The following PTPRG variants were observed in gnomAD, a reference collection of about 807,000 sequenced individuals.
PTPRG encodes protein tyrosine phosphatase receptor type G.
PTPRG carries 102 observed loss-of-function variants against 165.3 expected under a neutral mutation model. That is an observed-to-expected ratio of 0.62 (90% CI 0.53 to 0.73). PTPRG has a LOEUF of 0.73. Among genes scored for constraint, PTPRG ranks in the 30% least tolerant of loss-of-function variants. The pLI, the probability that PTPRG is intolerant of heterozygous loss-of-function variation, is 0.00. For missense variants in PTPRG, 1,866 were observed against 1,861.4 expected (o/e 1.00, Z -0.05); for synonymous variants, 675 against 669.5 (o/e 1.01, Z -0.13).
chr3:61,927,415 T>C (rs2039246845), intron 2 of PTPRG, among the ~76,000 whole-genome samples: 1 of 152,188 alleles, frequency 6.6e-6, no homozygotes, highest in South Asian at 2.1e-4. Flanking sequence ...TTGAGTTAAC[T>C]GTGGAGAGAG....
At chr3:62,107,339 T>G (rs1026228320) in intron 5 of PTPRG, among the ~76,000 whole-genome samples, 10 of 152,226 alleles carry the variant, frequency 6.6e-5, no homozygotes, top group African/African-American at 2.4e-4. Flanking sequence ...CAAGTTTTCA[T>G]TAAAAGGAAG....
chr3:61,896,481 T>G (rs1035074791), intron 2 of PTPRG, among the ~76,000 whole-genome samples: 2 of 152,220 alleles, frequency 1.3e-5, no homozygotes, highest in African/African-American at 4.8e-5. Context: ...GATTCCAGTT[T>G]TTGGCTATTA....
intron 2 of PTPRG, among the ~76,000 whole-genome samples, chr3:61,986,562 T>G (rs949180945): frequency 2.6e-5 from 4 of 152,224 alleles, no homozygotes; most frequent in African/African-American, 9.6e-5. Context: ...GTTGGCAGTA[T>G]GTCTCAATCA....
At chr3:61,593,494 C>T (rs1469208387) in intron 1 of PTPRG, among the ~76,000 whole-genome samples, 1 of 151,206 alleles carries the variant, frequency 6.6e-6, no homozygotes, top group African/African-American at 2.4e-5. Context: ...TGCATAAAGG[C>T]TTAAATCTAT....
intron 3 of PTPRG, among the ~76,000 whole-genome samples, 190 bp downstream of exon 3, chr3:61,989,994 C>A (rs1036318059): frequency 4.6e-5 from 7 of 152,040 alleles, no homozygotes; most frequent in Admixed American, 2.6e-4. Context: ...CCTGTGTCTT[C>A]ATTTTTTTAA....
rs75477775 is a variant in PTPRG at position 62,001,619 on chromosome 3, A to G, written c.371-1730A>G. Reference sequence around the variant, plus strand: ...ATATCTGTATATATAGATATATTTTATATAAGATTTTAGATATTATCTTCT... The same window carrying G: ...ATATCTGTATATATAGATATATTTTGTATAAGATTTTAGATATTATCTTCT... On this transcript the variant is annotated intron_variant, in intron 3 of 29. Transcript: ENST00000474889. 2.7e-3 allele frequency among the ~76,000 whole-genome samples: 405 copies of G among 151,582 alleles called. 3 individuals carry two copies. In the East Asian group the frequency reaches 0.038, roughly 14 times the overall value.
intron 2 of PTPRG, among the ~76,000 whole-genome samples, chr3:61,878,858 G>A (rs192366843): frequency 3.7e-4 from 56 of 152,176 alleles, no homozygotes; most frequent in South Asian, 1.2e-3. Flanking sequence ...TGAGAGTACA[G>A]AATATTTTAA....
intron 10 of PTPRG, 51 bp from the exon 11 acceptor site, chr3:62,201,454 A>G (rs1289922905): frequency 1.4e-5 from 20 of 1,438,778 alleles, no homozygotes; most frequent in Non-Finnish European, 1.9e-5. Context: ...ATATCTTGTT[A>G]GAGCCACAAA....
intron 8 of PTPRG, among the ~76,000 whole-genome samples, chr3:62,179,396 C>G (rs1303511345): frequency 6.6e-6 from 1 of 152,220 alleles, no homozygotes; most frequent in East Asian, 1.9e-4. Flanking sequence ...TTTCAAATCT[C>G]TGCCTGTGCT....
chr3:61,562,142 G>C lies in PTPRG; in HGVS notation c.-146G>C. 1.8e-6 allele frequency: 1 copy of C among 559,080 alleles called. No individual in the cohort carries two copies. The highest frequency in any genetic ancestry group is 3.3e-5 in the East Asian group (1 of 30,420). The allele number at this position is 559,080 out of a possible 1,614,324, so 34.6% of individuals were successfully genotyped here. Reference sequence around the variant, plus strand: ...CGCTCGGCGGCTTCCCGGATTCCAAGGGGACTCGGGCCGCCGAGCGCGGGG... The same window carrying C: ...CGCTCGGCGGCTTCCCGGATTCCAACGGGACTCGGGCCGCCGAGCGCGGGG... On this transcript the variant is annotated 5_prime_UTR_variant, in exon 1 of 30. Transcript: ENST00000474889.
intron 2 of PTPRG, among the ~76,000 whole-genome samples, chr3:61,918,614 T>G (rs2039000463): frequency 1.3e-5 from 2 of 152,184 alleles, no homozygotes; most frequent in Admixed American, 6.5e-5. Context: ...GTCTAATTAT[T>G]GTAACTTTAA....
chr3:62,242,933 G>C (rs1701198152), intron 14 of PTPRG, among the ~76,000 whole-genome samples: 1 of 151,992 alleles, frequency 6.6e-6, no homozygotes, highest in South Asian at 2.1e-4. Context: ...CCAGCAGTAG[G>C]GCCAGCTATT....
intron 2 of PTPRG, among the ~76,000 whole-genome samples, chr3:61,824,952 C>T (rs1015196334): frequency 6.6e-6 from 1 of 152,182 alleles, no homozygotes; most frequent in Non-Finnish European, 1.5e-5. Flanking sequence ...GATATGTGTT[C>T]CTTGACATTC....
In PTPRG at chr3:61,938,699, CAG is replaced by C. The variant is rs578018985; in HGVS notation, c.191-50923_191-50922del. On this transcript the variant is annotated intron_variant, in intron 2 of 29. Transcript: ENST00000474889. ...ATTTGCTGTTGCTCTATATTTTATGCAGAGTCTAATGCTTACGCTACGTTATA... is the reference window on the plus strand; with the variant it reads ...ATTTGCTGTTGCTCTATATTTTATGCAGTCTAATGCTTACGCTACGTTATA... Among the ~76,000 whole-genome samples, 5 of 152,208 alleles carry C rather than the reference CAG, an allele frequency of 3.3e-5. No individual in the cohort carries two copies. The East Asian group carries it at 7.7e-4, about 23-fold the overall frequency.
intron 1 of PTPRG, among the ~76,000 whole-genome samples, chr3:61,617,876 A>C (rs1701339245): frequency 6.6e-6 from 1 of 152,182 alleles, no homozygotes; most frequent in African/African-American, 2.4e-5. Context: ...TGACAGTAAG[A>C]GCTTGTATCG....
chr3:61,621,051 A>ATATATATATATATATATG, intron 1 of PTPRG, among the ~76,000 whole-genome samples: 2 of 117,984 alleles, frequency 1.7e-5, no homozygotes, highest in East Asian at 2.8e-4. Context: ...ATATATATAT[A>ATATATATATATATATATG]TGTGTGTGTG....
At chr3:62,142,960 A>C (rs529895769) in intron 6 of PTPRG, among the ~76,000 whole-genome samples, 9 of 152,318 alleles carry the variant, frequency 5.9e-5, no homozygotes, top group Non-Finnish European at 1.2e-4. Flanking sequence ...CAAAGCAGTC[A>C]GAGGCGGGGC....
At chr3:61,886,009 G>T (rs1040191567) in intron 2 of PTPRG, among the ~76,000 whole-genome samples, 2 of 151,586 alleles carry the variant, frequency 1.3e-5, no homozygotes, top group African/African-American at 4.9e-5. Context: ...GCACACACAG[G>T]GAGAGAGGGA....
chr3:61,826,077 A>G (rs1290606797), intron 2 of PTPRG, among the ~76,000 whole-genome samples: 1 of 152,250 alleles, frequency 6.6e-6, no homozygotes, highest in Non-Finnish European at 1.5e-5. Flanking sequence ...AACTCTCATT[A>G]TCATTACCAG....
Sources: allele counts gnomAD v4.1 joint callset (sites outside exome capture counted in the v4.1 genomes callset), GRCh38; gene constraint gnomAD v4.1.1; transcripts MANE v1.5; gene names NCBI Gene and HGNC (gene_info 2026-07-23, HGNC 2026-07-21).